CALN1: variants seen among roughly 807,000 people sequenced by gnomAD.
CALN1 encodes calneuron 1.
In CALN1, 17 loss-of-function variants were observed where a neutral mutation model predicts 30.6. The ratio of observed to expected loss-of-function variants is 0.56; its 90% confidence interval spans 0.38 to 0.83. The LOEUF (loss-of-function observed/expected upper bound fraction) is 0.83, where lower values mean the gene tolerates loss of function less well. CALN1 is among the 40% of genes least tolerant of loss of function. The probability of loss-of-function intolerance (pLI) is 0.00; values close to 1 mark genes in which losing one functional copy is unlikely to be tolerated. For missense variants in CALN1, 291 were observed against 354.9 expected (o/e 0.82, Z 1.45); for synonymous variants, 156 against 131.4 (o/e 1.19, Z -1.28).
chr7:72,236,041 C>T lies in CALN1; in HGVS notation c.244+42645G>A, dbSNP rs181401909. ...GGAGGATAGTTTGAGCCCAGGAGTTCGAGACCTGCCTGGGCAATATAATGA... is the reference window on the plus strand; with the variant it reads ...GGAGGATAGTTTGAGCCCAGGAGTTTGAGACCTGCCTGGGCAATATAATGA... On this transcript the variant is annotated intron_variant, in intron 3 of 6. Coordinates refer to ENST00000395275, the MANE Select transcript of CALN1 (RefSeq NM_031468.4). Among the ~76,000 whole-genome samples, 392 of 140,748 alleles carry T rather than the reference C, an allele frequency of 2.8e-3. 2 individuals carry two copies. The highest frequency in any genetic ancestry group is 9.7e-3 in the African/African-American group (362 of 37,172). The allele number at this position is 140,748 out of a possible 152,430, so 92.3% of individuals were successfully genotyped here.
chr7:72,183,746 C>T (rs1473004625), intron 3 of CALN1, among the ~76,000 whole-genome samples: 1 of 152,148 alleles, frequency 6.6e-6, no homozygotes, highest in African/African-American at 2.4e-5. Flanking sequence ...CAGGGCAACT[C>T]ACATTTATAG....
At chr7:72,044,882 A>T (rs1802371957) in intron 4 of CALN1, among the ~76,000 whole-genome samples, 1 of 152,114 alleles carries the variant, frequency 6.6e-6, no homozygotes, top group African/African-American at 2.4e-5. Context: ...AGCCTCCCAA[A>T]GCAATGGGAT....
intron 1 of CALN1, among the ~76,000 whole-genome samples, chr7:72,405,288 GCA>G (rs898117485): frequency 1.5e-4 from 23 of 152,122 alleles, no homozygotes; most frequent in Non-Finnish European, 2.6e-4. Flanking sequence ...ACACATACAT[GCA>G]CACACACACA....
At chr7:72,308,592 G>A (rs1277622019) in intron 2 of CALN1, among the ~76,000 whole-genome samples, 1 of 152,164 alleles carries the variant, frequency 6.6e-6, no homozygotes, top group Non-Finnish European at 1.5e-5. Context: ...GAACTGCAAT[G>A]AAAACATTGC....
intron 6 of CALN1, among the ~76,000 whole-genome samples, chr7:71,796,145 C>T (rs1042001497): frequency 1.6e-4 from 25 of 151,714 alleles, no homozygotes; most frequent in Non-Finnish European, 2.2e-4. Flanking sequence ...TTTTTATGAC[C>T]GGATAATATT....
chr7:72,300,706 T>A (rs1253470456), intron 2 of CALN1, among the ~76,000 whole-genome samples: 3 of 152,132 alleles, frequency 2.0e-5, no homozygotes, highest in Non-Finnish European at 4.4e-5. Context: ...CTAATTATAT[T>A]TATAGCCAGT....
intron 5 of CALN1, among the ~76,000 whole-genome samples, chr7:71,894,414 G>A (rs1333600134): frequency 1.3e-5 from 2 of 151,564 alleles, no homozygotes; most frequent in East Asian, 2.0e-4. Flanking sequence ...ACAGGCACAC[G>A]CTACTATGCC....
intron 6 of CALN1, among the ~76,000 whole-genome samples, chr7:71,801,041 C>A (rs1452367663): frequency 6.6e-6 from 1 of 152,140 alleles, no homozygotes; most frequent in Non-Finnish European, 1.5e-5. Context: ...TCAACTCCCA[C>A]TTATGAGTGA....
At position 71,866,098 on chromosome 7, in the gene CALN1, C is replaced by T. The variant is rs1432862100; in HGVS notation, c.502-55606G>A. ...TTGGCTCACTGCAAGCTCTGCCTCCCGGGTTCATGCCATTCTCCTGCCTCA... is the reference window on the plus strand; with the variant it reads ...TTGGCTCACTGCAAGCTCTGCCTCCTGGGTTCATGCCATTCTCCTGCCTCA... On this transcript the variant is annotated intron_variant, in intron 5 of 6. Transcript: ENST00000395275. 2.6e-5 allele frequency among the ~76,000 whole-genome samples: 4 copies of T among 152,002 alleles called. No homozygotes were observed. The South Asian group carries it at 6.2e-4, about 24-fold the overall frequency.
rs754201004 is a variant in CALN1, at chr7:72,016,998, C to CAAAAAAAAAAAAAAAAAAAAAAAA, written c.501+6658_501+6659insTTTTTTTTTTTTTTTTTTTTTTTT. Among the ~76,000 whole-genome samples, 59 of 31,936 alleles carry CAAAAAAAAAAAAAAAAAAAAAAAA rather than the reference C, an allele frequency of 1.8e-3. 10 individuals carry two copies. The highest frequency in any genetic ancestry group is 6.0e-3 in the East Asian group (6 of 992). 21.0% of individuals were successfully genotyped at this position (31,936 alleles called of 152,430 possible). A position where few individuals can be genotyped will look rare whatever the true frequency, so the allele number is the denominator to read the frequency against. ...CAAAACCCCGTGTTTACTAAAAATA[C>CAAAAAAAAAAAAAAAAAAAAAAAA]AAAAAAAAAAAAAAAAAAAGCTGGG... is the stretch of plus-strand genomic sequence containing the variant. On this transcript the variant is annotated intron_variant, in intron 5 of 6. Transcript: ENST00000395275.
At chr7:72,464,829 G>C in the CALN1 span, among the ~76,000 whole-genome samples, 14 of 152,324 alleles carry the variant, frequency 9.2e-5, no homozygotes, top group Admixed American at 7.8e-4. Flanking sequence ...CCATAGCAAA[G>C]ATGTGGAAAC....
intron 5 of CALN1, among the ~76,000 whole-genome samples, chr7:71,887,436 C>G (rs1792978392): frequency 6.6e-6 from 1 of 152,164 alleles, no homozygotes; most frequent in African/African-American, 2.4e-5. Context: ...TCTGGAATTA[C>G]AGGCATGCGT....
intron 2 of CALN1, among the ~76,000 whole-genome samples, chr7:72,337,925 C>T (rs1802175290): frequency 6.6e-6 from 1 of 152,224 alleles, no homozygotes; most frequent in Non-Finnish European, 1.5e-5. Flanking sequence ...CCTGCCCATG[C>T]GCTGACCTCT....
intron 3 of CALN1, among the ~76,000 whole-genome samples, chr7:72,191,145 T>A (rs1428867173): frequency 6.6e-6 from 1 of 152,118 alleles, no homozygotes; most frequent in Non-Finnish European, 1.5e-5. Context: ...TAATGAAGGA[T>A]AGAATAAAGT....
intron 3 of CALN1, among the ~76,000 whole-genome samples, chr7:72,154,268 A>G (rs982494123): frequency 6.6e-6 from 1 of 152,056 alleles, no homozygotes; most frequent in African/African-American, 2.4e-5. Flanking sequence ...GATTATGGAC[A>G]CCTTGTCCAG....
At chr7:72,468,867 A>G in the CALN1 span, among the ~76,000 whole-genome samples, 1 of 152,152 alleles carries the variant, frequency 6.6e-6, no homozygotes. Flanking sequence ...CTTTGGGGAA[A>G]TGCCTGTTCA....
At chr7:72,155,097 G>T (rs1411739373) in intron 3 of CALN1, among the ~76,000 whole-genome samples, 2 of 152,010 alleles carry the variant, frequency 1.3e-5, no homozygotes, top group Admixed American at 1.3e-4. Context: ...AAAAAGAAAA[G>T]GAAGAAACAC....
intron 2 of CALN1, among the ~76,000 whole-genome samples, chr7:72,321,056 A>G (rs1800843454): frequency 6.6e-6 from 1 of 152,182 alleles, no homozygotes; most frequent in Non-Finnish European, 1.5e-5. Context: ...CAGCACTTAC[A>G]TAACCATAAG....
rs530257714 is a variant in CALN1, at chr7:72,256,008, G to A, written c.244+22678C>T. On this transcript the variant is annotated intron_variant, in intron 3 of 6. Transcript: ENST00000395275. Reference sequence around the variant, plus strand: ...CTCCCAAGGTGCTGGGATTACAGGCGTGAGCCACCGCGCCCTGCCTAAATA... The same window carrying A: ...CTCCCAAGGTGCTGGGATTACAGGCATGAGCCACCGCGCCCTGCCTAAATA... Among the ~76,000 whole-genome samples the A allele has an allele frequency of 8.7e-4, 133 of 152,322 alleles. 3 individuals carry two copies. In the South Asian group the frequency reaches 0.027, roughly 31 times the overall value.
Sources: allele counts gnomAD v4.1 joint callset (sites outside exome capture counted in the v4.1 genomes callset), GRCh38; gene constraint gnomAD v4.1.1; transcripts MANE v1.5; gene names NCBI Gene and HGNC (gene_info 2026-07-23, HGNC 2026-07-21).